The following DPP10 variants were observed in gnomAD, a reference collection of about 807,000 sequenced individuals.
The protein encoded by DPP10 is dipeptidyl peptidase like 10.
Under a neutral mutation model 120.9 loss-of-function variants are expected in DPP10, and 33 were observed. The observed-to-expected ratio is 0.27, with a 90% CI of 0.21 to 0.37. The LOEUF is 0.37. Ranked by LOEUF, DPP10 falls within the 10% of genes least tolerant of loss-of-function variation. The probability of loss-of-function intolerance (pLI) is 1.00; values close to 1 mark genes in which losing one functional copy is unlikely to be tolerated. For synonymous variants in DPP10, 337 were observed against 326.1 expected (o/e 1.03, Z -0.36); for missense variants, 816 against 942.8 (o/e 0.87, Z 1.76).
chr2:115,817,690 TA>T (rs1464663452), intron 21 of DPP10, among the ~76,000 whole-genome samples: 2 of 147,076 alleles, frequency 1.4e-5, no homozygotes, highest in Non-Finnish European at 3.0e-5. Context: ...TTTTTTTTTT[TA>T]AAGGAAAACA....
At chr2:115,734,014 A>G (rs1403723930) in intron 8 of DPP10, among the ~76,000 whole-genome samples, 10 of 152,214 alleles carry the variant, frequency 6.6e-5, no homozygotes, top group Non-Finnish European at 1.0e-4. Context: ...CTTATCCAGG[A>G]TGACTGTTAA....
chr2:114,469,800 A>C (rs566373459), intron 1 of DPP10, among the ~76,000 whole-genome samples: 5 of 152,342 alleles, frequency 3.3e-5, no homozygotes, highest in African/African-American at 1.2e-4. Context: ...AGGAAGAATG[A>C]ACAACCTCCC....
chr2:114,610,204 T>C lies in DPP10; in HGVS notation c.60+167366T>C, dbSNP rs554109891. ...CTGGTATATATCACAGGCGTATGTT[T>C]TGTTTTGGGTCTGTATTTGCCTTCT... On this transcript the variant is annotated intron_variant, in intron 1 of 25. Transcript: ENST00000410059. 1.2e-4 allele frequency among the ~76,000 whole-genome samples: 19 copies of C among 152,240 alleles called. No individual in the cohort carries two copies. In the South Asian group the frequency reaches 3.9e-3, roughly 32 times the overall value.
chr2:115,428,782 G>A (rs191553612), intron 3 of DPP10, among the ~76,000 whole-genome samples: 2 of 152,228 alleles, frequency 1.3e-5, no homozygotes, highest in East Asian at 1.9e-4. Flanking sequence ...GGATACACTC[G>A]CCAGCAGTTT....
rs982841281 is a variant in DPP10, at chr2:114,827,855, C to A, written c.60+385017C>A. Among the ~76,000 whole-genome samples, 6 of 152,282 alleles carry A rather than the reference C, an allele frequency of 3.9e-5. No individual in the cohort carries two copies. The East Asian group carries it at 1.2e-3, about 29-fold the overall frequency. ...TGCCTTGCAAAGGTCAACACACTCACGTCTCTTCCCCCTCCAGCAATAGTG... is the reference window on the plus strand; with the variant it reads ...TGCCTTGCAAAGGTCAACACACTCAAGTCTCTTCCCCCTCCAGCAATAGTG... On this transcript the variant is annotated intron_variant, in intron 1 of 25. Transcript: ENST00000410059.
chr2:115,427,174 G>A (rs527730042), intron 3 of DPP10, among the ~76,000 whole-genome samples: 36 of 152,294 alleles, frequency 2.4e-4, no homozygotes, highest in South Asian at 1.0e-3. Context: ...TGTCTTTTCC[G>A]CACTGAAGTT....
chr2:114,674,613 C>T (rs78751856), intron 1 of DPP10, among the ~76,000 whole-genome samples: 5,851 of 152,178 alleles, frequency 0.038, 159 homozygotes, highest in South Asian at 0.08. Context: ...ACGTGAGTCA[C>T]GGAGGATGGT....
chr2:114,527,283 T>TA (rs750942146), intron 1 of DPP10, among the ~76,000 whole-genome samples: 23 of 152,272 alleles, frequency 1.5e-4, no homozygotes, highest in Non-Finnish European at 2.9e-4. Flanking sequence ...TATCTCTCTA[T>TA]AAAAAATTGA....
At chr2:115,038,428 G>A (rs746563761) in intron 1 of DPP10, among the ~76,000 whole-genome samples, 2 of 151,768 alleles carry the variant, frequency 1.3e-5, no homozygotes, top group South Asian at 2.1e-4. Context: ...CCGCCACCAC[G>A]CCCGGCTAAT....
chr2:114,745,015 C>G (rs1052658982), intron 1 of DPP10, among the ~76,000 whole-genome samples: 4 of 152,028 alleles, frequency 2.6e-5, no homozygotes, highest in African/African-American at 9.7e-5. Flanking sequence ...CCATTTTGGC[C>G]TCCCAAAGTG....
intron 1 of DPP10, among the ~76,000 whole-genome samples, chr2:115,246,465 A>C (rs2058537892): frequency 6.6e-6 from 1 of 152,168 alleles, no homozygotes; most frequent in South Asian, 2.1e-4. Context: ...TTTTTCAAGT[A>C]GAGGTCTTTC....
chr2:114,927,351 A>G (rs987127364), intron 1 of DPP10, among the ~76,000 whole-genome samples: 3 of 151,104 alleles, frequency 2.0e-5, no homozygotes, highest in African/African-American at 4.9e-5. Context: ...GGACATGTCC[A>G]TGACATCTGC....
chr2:115,660,349 T>G (rs2088817299), intron 5 of DPP10, among the ~76,000 whole-genome samples: 1 of 152,180 alleles, frequency 6.6e-6, no homozygotes, highest in Non-Finnish European at 1.5e-5. Context: ...TGACCATTCC[T>G]ACAGTCATTG....
At position 115,843,798 on chromosome 2, in the gene DPP10, T is replaced by C. The variant is rs1338971152; in HGVS notation, c.*1453T>C. The C allele has an allele frequency of 2.0e-5, 3 of 152,480 alleles. No individual in the cohort carries two copies. The highest frequency in any genetic ancestry group is 4.4e-5 in the Non-Finnish European group (3 of 68,018). 9.4% of individuals were successfully genotyped at this position (152,480 alleles called of 1,614,324 possible). ...CTTCCAGAAGATATCTAAAAGTCTG[T>C]AATAAGCTTAGAAGTTCAGATAAAT... is the stretch of plus-strand genomic sequence containing the variant. On this transcript the variant is annotated 3_prime_UTR_variant, in exon 26 of 26. Coordinates refer to ENST00000410059, the MANE Select transcript of DPP10 (RefSeq NM_020868.6).
chr2:115,397,114 C>A (rs2067740640), intron 3 of DPP10, among the ~76,000 whole-genome samples: 1 of 152,150 alleles, frequency 6.6e-6, no homozygotes, highest in South Asian at 2.1e-4. Flanking sequence ...GTGACTTGAT[C>A]ACTTATACTT....
intron 3 of DPP10, among the ~76,000 whole-genome samples, chr2:115,377,257 G>A (rs1298879419): frequency 1.1e-4 from 16 of 150,844 alleles, no homozygotes; most frequent in Non-Finnish European, 2.1e-4. Flanking sequence ...ACTGGTGTGA[G>A]ATGGTATCTC....
chr2:114,771,283 G>C (rs1302271402), intron 1 of DPP10, among the ~76,000 whole-genome samples: 1 of 152,162 alleles, frequency 6.6e-6, no homozygotes, highest in Non-Finnish European at 1.5e-5. Context: ...CCCAACTGCA[G>C]GGCTATTCAC....
At chr2:115,231,037 G>C (rs1248766081) in intron 1 of DPP10, among the ~76,000 whole-genome samples, 1 of 151,932 alleles carries the variant, frequency 6.6e-6, no homozygotes, top group Non-Finnish European at 1.5e-5. Context: ...AGAAAAAAAA[G>C]AGGAAAGAAA....
At chr2:115,256,419 C>T (rs775842139) in intron 1 of DPP10, among the ~76,000 whole-genome samples, 7 of 152,116 alleles carry the variant, frequency 4.6e-5, no homozygotes, top group South Asian at 2.1e-4. Context: ...TGTCAGCCAC[C>T]GAGGCTTATG....
Sources: gnomAD v4.1 joint callset for allele counts (sites outside exome capture counted in the v4.1 genomes callset) on GRCh38, gnomAD v4.1.1 for gene constraint, MANE v1.5 for transcripts, NCBI Gene and HGNC (gene_info 2026-07-23, HGNC 2026-07-21) for gene names.